Variants in PARD3B observed in about 807,000 individuals in gnomAD.
PARD3B encodes par-3 family cell polarity regulator beta.
In PARD3B, 103 loss-of-function variants were observed where a neutral mutation model predicts 130.2. The observed-to-expected ratio is 0.79, with a 90% CI of 0.67 to 0.93. The LOEUF is 0.93. Among genes scored for constraint, PARD3B ranks in the 40% least tolerant of loss-of-function variants. The pLI is 0.00. For missense variants in PARD3B, 1,609 were observed against 1,499.2 expected (o/e 1.07, Z -1.21); for synonymous variants, 583 against 553.2 (o/e 1.05, Z -0.76).
At position 205,269,502 on chromosome 2, in the gene PARD3B, G is replaced by A. The variant is rs562417663; in HGVS notation, c.2185+23680G>A. On this transcript the variant is annotated intron_variant, in intron 16 of 22. Transcript: ENST00000406610. The surrounding 1 kb of genome is among the most constrained non-coding windows in gnomAD (Gnocchi z 4.7). ...GATTTCCAAGAACTTTTATATTCAG[G>A]AATTTATATTCAGGAATTTCACTGA... Among the ~76,000 whole-genome samples the A allele has an allele frequency of 1.4e-4, 22 of 152,148 alleles. No homozygotes were observed. In the South Asian group the frequency reaches 2.5e-3, roughly 17 times the overall value.
intron 4 of PARD3B, among the ~76,000 whole-genome samples, chr2:205,057,423 A>G (rs1699735604): frequency 1.5e-5 from 2 of 137,712 alleles, no homozygotes; most frequent in Non-Finnish European, 3.1e-5. Flanking sequence ...ATACATATAT[A>G]CATGTATATG....
At chr2:205,143,169 A>G (rs1200963769) in intron 10 of PARD3B, among the ~76,000 whole-genome samples, 1 of 152,196 alleles carries the variant, frequency 6.6e-6, no homozygotes, top group Non-Finnish European at 1.5e-5. Flanking sequence ...TGATATATAC[A>G]CACATGAAAT....
intron 1 of PARD3B, among the ~76,000 whole-genome samples, chr2:204,650,198 A>T (rs547412139): frequency 2.6e-5 from 4 of 152,350 alleles, no homozygotes; most frequent in East Asian, 3.9e-4. Context: ...AACCACAATG[A>T]GATACCACCT....
chr2:204,968,710 C>A (rs1204853804), intron 3 of PARD3B, among the ~76,000 whole-genome samples: 1 of 152,186 alleles, frequency 6.6e-6, no homozygotes, highest in South Asian at 2.1e-4. Context: ...CTTCATGAAG[C>A]CTTGTCCAAA....
At chr2:205,447,019 C>G (rs971938802) in intron 20 of PARD3B, among the ~76,000 whole-genome samples, 14 of 152,136 alleles carry the variant, frequency 9.2e-5, no homozygotes, top group Admixed American at 9.2e-4. Flanking sequence ...TGATTGCACA[C>G]AGTATCAGTA....
rs1485285668 is a variant in PARD3B at position 205,366,925 on chromosome 2, A to G, written c.2631-34088A>G. 6.6e-6 allele frequency among the ~76,000 whole-genome samples: 1 copy of G among 152,238 alleles called. No homozygotes were observed. The highest frequency in any genetic ancestry group is 1.5e-5 in the Non-Finnish European group (1 of 68,048). Reference sequence around the variant, plus strand: ...GTCCTAAGGGAGCGGAAGCTGAATCATCACACTTAGGTCTGGGAAGCTGTA... The same window carrying G: ...GTCCTAAGGGAGCGGAAGCTGAATCGTCACACTTAGGTCTGGGAAGCTGTA... On this transcript the variant is annotated intron_variant, in intron 18 of 22. Transcript: ENST00000406610. This position sits in a 1 kb window ranked among gnomAD's most constrained non-coding sequence, Gnocchi z 5.0.
At chr2:204,891,837 T>C (rs555981713) in intron 2 of PARD3B, among the ~76,000 whole-genome samples, 3 of 152,314 alleles carry the variant, frequency 2.0e-5, no homozygotes, top group Non-Finnish European at 2.9e-5. Context: ...TCTAGAGCTT[T>C]GTGCTCCTGT....
At chr2:205,529,793 G>C (rs534231836) in intron 21 of PARD3B, among the ~76,000 whole-genome samples, 4 of 152,084 alleles carry the variant, frequency 2.6e-5, no homozygotes, top group Non-Finnish European at 5.9e-5. Flanking sequence ...ATCTACGAGG[G>C]TTTTCTTTTT....
intron 3 of PARD3B, among the ~76,000 whole-genome samples, chr2:205,038,531 G>C (rs1004719622): frequency 1.3e-5 from 2 of 152,100 alleles, no homozygotes; most frequent in African/African-American, 4.8e-5. Flanking sequence ...TGGATAAAAT[G>C]TGAAAACTTT....
rs1225455340 is a variant in PARD3B at position 205,615,776 on chromosome 2, AT to A, written c.3583del (p.Ser1195ProfsTer7). 1 of 1,613,928 alleles carries A rather than the reference AT, an allele frequency of 6.2e-7. No individual in the cohort carries two copies. The highest frequency in any genetic ancestry group is 2.2e-5 in the East Asian group (1 of 44,860). On this transcript the variant is annotated frameshift_variant, in exon 23 of 23. Transcript: ENST00000406610. LOFTEE classifies it high-confidence loss of function. The part of the protein sequence containing the change: ...SPDQYPYRTQ[D>X]SRQKNPMTAA... The stretch of plus-strand genomic sequence containing the variant: ...GACCAGTACCCTTACCGAACCCAGG[AT>A]TCCCGGCAGAAGAACCCCATGACTG...
intron 2 of PARD3B, among the ~76,000 whole-genome samples, chr2:204,942,478 A>G (rs995968494): frequency 3.3e-5 from 5 of 152,174 alleles, no homozygotes; most frequent in Non-Finnish European, 7.4e-5. Context: ...AGCATTTTTG[A>G]GAATGTTTGA....
At chr2:204,635,334 A>G (rs568287701) in intron 1 of PARD3B, among the ~76,000 whole-genome samples, 6 of 152,174 alleles carry the variant, frequency 3.9e-5, no homozygotes, top group Non-Finnish European at 8.8e-5. Flanking sequence ...AGGAGTAATC[A>G]TTGTTACTGG....
chr2:205,029,307 C>T (rs1249349918), intron 3 of PARD3B, among the ~76,000 whole-genome samples: 3 of 152,228 alleles, frequency 2.0e-5, no homozygotes, highest in East Asian at 1.9e-4. Flanking sequence ...TACAGAAGGC[C>T]GCCTTTGACT....
At chr2:204,827,316 T>G (rs1418190629) in intron 2 of PARD3B, among the ~76,000 whole-genome samples, 1 of 152,194 alleles carries the variant, frequency 6.6e-6, no homozygotes, top group Non-Finnish European at 1.5e-5. Flanking sequence ...ATTACAATAC[T>G]TGGAGAACTT....
At chr2:205,499,581 C>G (rs1389492519) in intron 20 of PARD3B, among the ~76,000 whole-genome samples, 7 of 152,074 alleles carry the variant, frequency 4.6e-5, no homozygotes, top group Non-Finnish European at 8.8e-5. Flanking sequence ...TGACAAAACT[C>G]TGTGTGTGTG....
Position 205,446,990 on chromosome 2 carries a change from A to G in PARD3B, c.3044+6318A>G, listed in dbSNP as rs2047928942. ...GTGTGACAATTTGACATTCATTTCTAGAGGTTGCCAAATGGGTTTGATTGC... is the reference window on the plus strand; with the variant it reads ...GTGTGACAATTTGACATTCATTTCTGGAGGTTGCCAAATGGGTTTGATTGC... On this transcript the variant is annotated intron_variant, in intron 20 of 22. Transcript: ENST00000406610. The surrounding 1 kb of genome is among the most constrained non-coding windows in gnomAD (Gnocchi z 4.4). Among the ~76,000 whole-genome samples the G allele has an allele frequency of 6.6e-6, 1 of 152,238 alleles. No individual in the cohort carries two copies. Among genetic ancestry groups the G allele is most frequent in the African/African-American group, 2.4e-5 (1 of 41,464 alleles).
intron 20 of PARD3B, among the ~76,000 whole-genome samples, chr2:205,467,896 A>C (rs951387964): frequency 6.6e-5 from 10 of 152,238 alleles, no homozygotes; most frequent in African/African-American, 2.2e-4. Flanking sequence ...TTTATAGACT[A>C]GGGTAAGAAA....
intron 20 of PARD3B, among the ~76,000 whole-genome samples, chr2:205,445,509 A>T (rs2047876537): frequency 6.6e-6 from 1 of 152,106 alleles, no homozygotes; most frequent in African/African-American, 2.4e-5. Flanking sequence ...GGAGCAAGAC[A>T]GAGAGGAGGG....
intron 4 of PARD3B, among the ~76,000 whole-genome samples, chr2:205,104,164 C>G (rs1302687367): frequency 6.6e-6 from 1 of 152,146 alleles, no homozygotes; most frequent in African/African-American, 2.4e-5. Context: ...GGCTGAGTAG[C>G]AAGAAGCTAA....
Sources: allele counts gnomAD v4.1 joint callset (sites outside exome capture counted in the v4.1 genomes callset), GRCh38; gene constraint gnomAD v4.1.1; non-coding constraint Gnocchi (gnomAD v3.1); transcripts MANE v1.5; gene names NCBI Gene and HGNC (gene_info 2026-07-23, HGNC 2026-07-21).